BEAN1: variants seen among roughly 807,000 people sequenced by gnomAD.
BEAN1 encodes the protein protein BEAN1.
BEAN1 carries 17 observed loss-of-function variants against 17.7 expected under a neutral mutation model. The observed-to-expected ratio is 0.96, with a 90% confidence interval of 0.66 to 1.44. BEAN1 has a LOEUF of 1.44. Ranked by LOEUF, BEAN1 falls within the 40% of genes most tolerant of loss-of-function variation. The probability of loss-of-function intolerance (pLI) is 0.00; values close to 1 mark genes in which losing one functional copy is unlikely to be tolerated. For missense variants in BEAN1, 359 were observed against 374.1 expected (o/e 0.96, Z 0.33); for synonymous variants, 142 against 151.8 (o/e 0.94, Z 0.47).
intron 2 of BEAN1, among the ~76,000 whole-genome samples, chr16:66,444,004 A>G (rs970241643): frequency 6.6e-6 from 1 of 152,148 alleles, no homozygotes; most frequent in African/African-American, 2.4e-5. Context: ...GTGCACAATC[A>G]TATCATATTC....
intron 2 of BEAN1, among the ~76,000 whole-genome samples, chr16:66,455,169 G>A (rs977896187): frequency 6.6e-6 from 1 of 152,154 alleles, no homozygotes; most frequent in Non-Finnish European, 1.5e-5. Context: ...GCTAAGGTAC[G>A]TAAGTATTAA....
intron 2 of BEAN1, among the ~76,000 whole-genome samples, chr16:66,465,792 G>A (rs1360707077): frequency 6.6e-6 from 1 of 152,158 alleles, no homozygotes; most frequent in Non-Finnish European, 1.5e-5. Flanking sequence ...CCTCGCCAGA[G>A]TTTCTGTTTC....
intron 2 of BEAN1, chr16:66,450,876 G>A (rs1287765856): frequency 6.6e-6 from 1 of 152,200 alleles, no homozygotes; most frequent in Non-Finnish European, 1.5e-5. Flanking sequence ...GACAGTCTAG[G>A]TAAATATCAC....
At chr16:66,493,565 A>G, downstream of BEAN1, 1 of 570,998 alleles carries the variant, frequency 1.8e-6, no homozygotes, top group East Asian at 2.9e-5. Context: ...CCTGAAGGGA[A>G]ACCAACTCCC....
In BEAN1 at chr16:66,480,883, C is replaced by G; in HGVS notation, c.738C>G (p.Thr246=). 1 of 1,471,458 alleles carries G rather than the reference C, an allele frequency of 6.8e-7. No homozygotes were observed. The allele number at this position is 1,471,458 out of a possible 1,614,324, so 91.2% of individuals were successfully genotyped here. ...PGPRGSQGSP[T]PTRAPASGPE... is the part of the protein sequence containing the mutation. ...CAAGGGGCTCCCAGGGCTCACCCAC[C>G]CCAACCCGGGCCCCAGCCTCTGGCC... The change falls in exon 5 of 5, where the codon ACC becomes ACG. Residue 246 remains threonine, a synonymous_variant. Coordinates refer to ENST00000536005, the MANE Select transcript of BEAN1 (RefSeq NM_001178020.3).
chr16:66,439,561 C>T (rs1962166882), intron 2 of BEAN1, among the ~76,000 whole-genome samples: 1 of 152,152 alleles, frequency 6.6e-6, no homozygotes, highest in African/African-American at 2.4e-5. Flanking sequence ...TAACAGAGGC[C>T]ATCCCTGCAG....
intron 2 of BEAN1, chr16:66,451,493 C>T (rs2142400700): frequency 6.6e-6 from 1 of 152,276 alleles, no homozygotes; most frequent in Middle Eastern, 3.4e-3. Flanking sequence ...CTTCTGTGTC[C>T]TGTTTAAGAA....
intron 2 of BEAN1, among the ~76,000 whole-genome samples, chr16:66,439,152 G>T (rs1268140109): frequency 6.6e-6 from 1 of 152,200 alleles, no homozygotes; most frequent in African/African-American, 2.4e-5. Context: ...CACGCCAGGG[G>T]GATGAGCTGG....
At chr16:66,456,083 A>C (rs1466029983) in intron 2 of BEAN1, among the ~76,000 whole-genome samples, 1 of 152,226 alleles carries the variant, frequency 6.6e-6, no homozygotes, top group African/African-American at 2.4e-5. Flanking sequence ...AAGGAGGCTC[A>C]GTCACTGTGG....
chr16:66,491,399 G>A (rs985075377), intron 4 of BEAN1, among the ~76,000 whole-genome samples: 1 of 152,228 alleles, frequency 6.6e-6, no homozygotes. Context: ...ACTGCCACAT[G>A]TCTGAGCAAG....
chr16:66,456,911 C>A (rs1187637282), intron 2 of BEAN1, among the ~76,000 whole-genome samples: 2 of 152,186 alleles, frequency 1.3e-5, no homozygotes, highest in Non-Finnish European at 2.9e-5. Flanking sequence ...TTTCATCTTA[C>A]ATTTATAGAA....
At chr16:66,429,554 C>T (rs926176995) in intron 1 of BEAN1, among the ~76,000 whole-genome samples, 1 of 152,126 alleles carries the variant, frequency 6.6e-6, no homozygotes, top group African/African-American at 2.4e-5. Context: ...TGTTCTGGCC[C>T]AGCTGCCCAG....
intron 2 of BEAN1, among the ~76,000 whole-genome samples, chr16:66,447,597 T>C (rs1359590304): frequency 2.0e-5 from 3 of 152,102 alleles, no homozygotes; most frequent in Non-Finnish European, 4.4e-5. Flanking sequence ...AGGTTGGCAT[T>C]GAGAGGCAGC....
At chr16:66,437,080 C>A (rs932996766) in intron 1 of BEAN1, among the ~76,000 whole-genome samples, 4 of 151,846 alleles carry the variant, frequency 2.6e-5, no homozygotes, top group Admixed American at 2.6e-4. Context: ...ATGAAAAGAG[C>A]ATCCTCCTCT....
intron 3 of BEAN1, 69 bp from the exon 4 acceptor site, chr16:66,477,491 C>T: frequency 7.1e-7 from 1 of 1,404,042 alleles, no homozygotes; most frequent in Non-Finnish European, 9.3e-7. Flanking sequence ...CCCAGGTAGA[C>T]CTACAGACCC....
chr16:66,478,928 C>G (rs1293862003), intron 4 of BEAN1: 1 of 152,348 alleles, frequency 6.6e-6, no homozygotes, highest in Non-Finnish European at 1.5e-5. Flanking sequence ...GGCGAGCACG[C>G]GTGTGCCACG....
chr16:66,465,337 T>C (rs1208509123), intron 2 of BEAN1, among the ~76,000 whole-genome samples: 1 of 152,194 alleles, frequency 6.6e-6, no homozygotes, highest in Non-Finnish European at 1.5e-5. Context: ...CTAGGAGATA[T>C]TGTTCTGTAA....
At chr16:66,469,376 G>A (rs1310384782) in intron 2 of BEAN1, among the ~76,000 whole-genome samples, 1 of 152,208 alleles carries the variant, frequency 6.6e-6, no homozygotes, top group Non-Finnish European at 1.5e-5. Flanking sequence ...GGCTTCAGAG[G>A]AGAGGAGGGA....
chr16:66,477,748 G>A, intron 4 of BEAN1, 38 bp downstream of exon 4: 1 of 1,503,238 alleles, frequency 6.7e-7, no homozygotes, highest in Non-Finnish European at 8.9e-7. Flanking sequence ...ATCAGAGGAT[G>A]GGGCCCTGGA....
Sources: gnomAD v4.1 joint callset for allele counts (sites outside exome capture counted in the v4.1 genomes callset) on GRCh38, gnomAD v4.1.1 for gene constraint, MANE v1.5 for transcripts, NCBI Gene and HGNC (gene_info 2026-07-23, HGNC 2026-07-21) for gene names.